The following RAB38 variants were observed in gnomAD, a reference collection of about 807,000 sequenced individuals.
RAB38 encodes ras-related protein Rab-38.
In RAB38, 15 loss-of-function variants were observed where a neutral mutation model predicts 18.4. The ratio of observed to expected loss-of-function variants is 0.82; its 90% CI spans 0.55 to 1.26. The LOEUF is 1.26. Ranked by LOEUF, RAB38 falls within the 50% of genes most tolerant of loss-of-function variation. RAB38 has a pLI of 0.00. For missense variants in RAB38, 294 were observed against 267.4 expected (o/e 1.10, Z -0.69); for synonymous variants, 101 against 104.4 (o/e 0.97, Z 0.20).
At chr11:87,938,640 T>A in the RAB38 span, among the ~76,000 whole-genome samples, 19 of 83,572 alleles carry the variant, frequency 2.3e-4, no homozygotes, top group African/African-American at 6.8e-4. Context: ...TTTGATTTTG[T>A]TGTTGTTGTT....
the RAB38 span, among the ~76,000 whole-genome samples, chr11:87,884,406 T>G: frequency 0.012 from 1,802 of 152,044 alleles, 39 homozygotes; most frequent in African/African-American, 0.042. Flanking sequence ...TGGCCTGGCC[T>G]CAGCCTGGGA....
chr11:87,901,382 C>A, the RAB38 span, among the ~76,000 whole-genome samples: 1 of 151,594 alleles, frequency 6.6e-6, no homozygotes, highest in African/African-American at 2.4e-5. Flanking sequence ...AATCACAGGA[C>A]TCTCATTTTC....
the RAB38 span, among the ~76,000 whole-genome samples, chr11:87,962,211 G>GA: frequency 1.3e-5 from 2 of 151,940 alleles, no homozygotes; most frequent in African/African-American, 4.8e-5. Context: ...GAAGGAGTAG[G>GA]AAAAAAAGCA....
chr11:87,814,010 T>G, the RAB38 span, among the ~76,000 whole-genome samples: 1 of 152,172 alleles, frequency 6.6e-6, no homozygotes, highest in Admixed American at 6.5e-5. Context: ...TGCTTGCATG[T>G]GTAATCTTAC....
At chr11:88,133,019 T>C (rs554737215) in intron 2 of RAB38, among the ~76,000 whole-genome samples, 2 of 152,326 alleles carry the variant, frequency 1.3e-5, no homozygotes, top group East Asian at 3.9e-4. Context: ...AGTGAACTAC[T>C]GCATACAATA....
At chr11:87,861,402 C>T in the RAB38 span, among the ~76,000 whole-genome samples, 1 of 151,680 alleles carries the variant, frequency 6.6e-6, no homozygotes, top group Admixed American at 6.6e-5. Flanking sequence ...GCATTTTTTT[C>T]AAAGACTTAT....
chr11:87,976,394 CACATATTT>C, the RAB38 span, among the ~76,000 whole-genome samples: 2 of 134,616 alleles, frequency 1.5e-5, no homozygotes, highest in African/African-American at 5.5e-5. Context: ...TTTATATATA[CACATATTT>C]ATATATTTAT....
At chr11:87,920,657 G>C in the RAB38 span, among the ~76,000 whole-genome samples, 4 of 151,942 alleles carry the variant, frequency 2.6e-5, no homozygotes, top group African/African-American at 4.8e-5. Flanking sequence ...GGTCCATTTG[G>C]TCTAAAGTAC....
the RAB38 span, chr11:87,917,984 G>C: frequency 6.6e-6 from 1 of 151,960 alleles, no homozygotes; most frequent in African/African-American, 2.4e-5. Context: ...TTAAGTTCTA[G>C]TCAGAGGGAA....
At chr11:87,875,768 T>G in the RAB38 span, among the ~76,000 whole-genome samples, 1 of 151,596 alleles carries the variant, frequency 6.6e-6, no homozygotes, top group East Asian at 2.0e-4. Context: ...TTTTAAAATT[T>G]TTGTTGTTGG....
the RAB38 span, among the ~76,000 whole-genome samples, chr11:88,009,575 C>T: frequency 2.0e-5 from 3 of 152,198 alleles, no homozygotes; most frequent in Admixed American, 1.3e-4. Context: ...AGGAGTTATG[C>T]GGTGAGTTTA....
At chr11:88,042,097 G>C in the RAB38 span, among the ~76,000 whole-genome samples, 3 of 151,926 alleles carry the variant, frequency 2.0e-5, no homozygotes. Flanking sequence ...TTTTATTACA[G>C]CCACATTCAA....
chr11:87,887,968 G>A, the RAB38 span, among the ~76,000 whole-genome samples: 2 of 151,846 alleles, frequency 1.3e-5, no homozygotes, highest in African/African-American at 4.8e-5. Flanking sequence ...ACCATCAAGG[G>A]CATTAGTGAT....
At chr11:87,891,675 G>T in the RAB38 span, among the ~76,000 whole-genome samples, 1 of 151,806 alleles carries the variant, frequency 6.6e-6, no homozygotes, top group East Asian at 2.0e-4. Context: ...TAGTTCAAAT[G>T]AATTACACCA....
At chr11:87,922,289 C>A in the RAB38 span, among the ~76,000 whole-genome samples, 1 of 152,082 alleles carries the variant, frequency 6.6e-6, no homozygotes, top group South Asian at 2.1e-4. Flanking sequence ...CACCCTCTAA[C>A]GAGGAGAATT....
chr11:88,156,500 G>A (rs907154321), intron 1 of RAB38, among the ~76,000 whole-genome samples: 1 of 152,102 alleles, frequency 6.6e-6, no homozygotes, highest in Non-Finnish European at 1.5e-5. Flanking sequence ...TCAGGAGTTC[G>A]AGACTAGCCT....
In RAB38 at chr11:88,166,463, A is replaced by C. The variant is rs567573902; in HGVS notation, c.202+8720T>G. On this transcript the variant is annotated intron_variant, in intron 1 of 2. Coordinates refer to ENST00000243662, the MANE Select transcript of RAB38 (RefSeq NM_022337.3). The stretch of plus-strand genomic sequence containing the variant: ...CTTGTGTTCTGGTTCTAATTCTACC[A>C]CTAACAAGCTCTGTGGGCCTGAGAA... The C allele has an allele frequency of 6.6e-5, 10 of 152,260 alleles. No homozygotes were observed. The South Asian group carries it at 1.9e-3, about 28-fold the overall frequency. The allele number at this position is 152,260 out of a possible 1,614,324, so 9.4% of individuals were successfully genotyped here. A position where few individuals can be genotyped will look rare whatever the true frequency, so the allele number is the denominator to read the frequency against.
the RAB38 span, among the ~76,000 whole-genome samples, chr11:87,948,860 T>TGTGTC: frequency 2.0e-5 from 3 of 152,100 alleles, no homozygotes; most frequent in African/African-American, 7.2e-5. Flanking sequence ...CTTTTTTTGT[T>TGTGTC]GTGTCTCTGC....
the RAB38 span, among the ~76,000 whole-genome samples, chr11:88,049,707 C>T: frequency 3.3e-5 from 5 of 152,138 alleles, no homozygotes; most frequent in South Asian, 2.1e-4. Context: ...CTCTTTGCTC[C>T]GTGAGAAAGA....
Sources: allele counts gnomAD v4.1 joint callset (sites outside exome capture counted in the v4.1 genomes callset), GRCh38; gene constraint gnomAD v4.1.1; transcripts MANE v1.5; gene names NCBI Gene and HGNC (gene_info 2026-07-23, HGNC 2026-07-21).